The following PTGS2 variants were observed in gnomAD, a reference collection of about 807,000 sequenced individuals.
PTGS2 encodes the protein prostaglandin G/H synthase 2.
PTGS2 carries 14 observed loss-of-function variants against 63.8 expected under a neutral mutation model. That is an observed-to-expected ratio of 0.22 (90% CI 0.14 to 0.34). PTGS2 has a LOEUF of 0.34. Ranked by LOEUF, PTGS2 falls within the 10% of genes least tolerant of loss-of-function variation. PTGS2 has a pLI of 1.00. For synonymous variants in PTGS2, 271 were observed against 259.5 expected (o/e 1.04, Z -0.43); for missense variants, 533 against 738.5 (o/e 0.72, Z 3.23).
chr1:186,675,520 G>A (rs1665764225), intron 8 of PTGS2, 124 bp from the exon 9 acceptor site: 2 of 1,105,442 alleles, frequency 1.8e-6, no homozygotes, highest in Admixed American at 3.0e-5. Flanking sequence ...TTTATTTGCT[G>A]GAAAGATGCT....
intron 2 of PTGS2, 41 bp from the exon 3 acceptor site, chr1:186,679,242 C>G: frequency 6.2e-7 from 1 of 1,612,310 alleles, no homozygotes; most frequent in African/African-American, 1.3e-5. Context: ...ATTAATGGGA[C>G]TCATTATAAG....
rs20429 is a variant in PTGS2 at position 186,678,328 on chromosome 1, G to A, written c.390C>T (p.Asn130=). Reference sequence around the variant, plus strand: ...GAAGGGCTCTAGTATAATAGGAGAGGTTAGAGAAGGCTTCCCAGCTTTTGT... The same window carrying A: ...GAAGGGCTCTAGTATAATAGGAGAGATTAGAGAAGGCTTCCCAGCTTTTGT... ...YGYKSWEAFS[N]LSYYTRALPP... The change falls in exon 4 of 10, where the codon AAC becomes AAT. Residue 130 remains asparagine, a synonymous_variant. Coordinates refer to ENST00000367468, the MANE Select transcript of PTGS2 (RefSeq NM_000963.4). 2.4e-5 allele frequency: 39 copies of A among 1,613,506 alleles called. 1 individual carries two copies. The Middle Eastern group carries it at 6.6e-4, about 27-fold the overall frequency.
rs1665740975 is a variant in PTGS2 at position 186,674,298 on chromosome 1, TAATTA to T, written c.*50_*54del. 4 of 1,103,784 alleles carry T rather than the reference TAATTA, an allele frequency of 3.6e-6. No individual in the cohort carries two copies. The highest frequency in any genetic ancestry group is 4.8e-6 in the Non-Finnish European group (4 of 840,480). 68.4% of individuals were successfully genotyped at this position (1,103,784 alleles called of 1,614,324 possible). A position where few individuals can be genotyped will look rare whatever the true frequency, so the allele number is the denominator to read the frequency against. On this transcript the variant is annotated 3_prime_UTR_variant, in exon 10 of 10. Transcript: ENST00000367468. ...GGAGTTTAATATAAATATTATTAAATAATTAAATTAATAGACATGGTTCATATAAA... is the reference window on the plus strand; with the variant it reads ...GGAGTTTAATATAAATATTATTAAATAATTAATAGACATGGTTCATATAAA...
At chr1:186,675,765 A>T in intron 8 of PTGS2, 133 bp downstream of exon 8, 2 of 998,634 alleles carry the variant, frequency 2.0e-6, no homozygotes, top group Non-Finnish European at 1.4e-6. Flanking sequence ...TAGGCTTCTT[A>T]TATCAATAAA....
intron 4 of PTGS2, 63 bp downstream of exon 4, chr1:186,678,198 T>G: frequency 6.8e-7 from 1 of 1,466,128 alleles, no homozygotes; most frequent in Non-Finnish European, 9.1e-7. Flanking sequence ...TCAATTTTTT[T>G]TTTTGGCAGC....
In PTGS2 at chr1:186,673,117, C is replaced by G. The variant is rs1327071269; in HGVS notation, c.*1236G>C. On this transcript the variant is annotated 3_prime_UTR_variant, in exon 10 of 10. Coordinates refer to ENST00000367468, the MANE Select transcript of PTGS2 (RefSeq NM_000963.4). ...AGAAGAAAAGAAAAGGAACAGCATGCAGGTAGCCAGGCTTGATTCCAATGC... is the reference window on the plus strand; with the variant it reads ...AGAAGAAAAGAAAAGGAACAGCATGGAGGTAGCCAGGCTTGATTCCAATGC... The G allele has an allele frequency of 6.6e-6, 1 of 152,106 alleles. No homozygotes were observed. Among genetic ancestry groups the G allele is most frequent in the African/African-American group, 2.4e-5 (1 of 41,424 alleles). The allele number at this position is 152,106 out of a possible 1,614,324, so 9.4% of individuals were successfully genotyped here.
chr1:186,672,779 T>A lies in PTGS2; in HGVS notation c.*1574A>T. ...TCCAGTCACAAACCCCGTACAGTTC[T>A]CTCTGAGGCACTAGCCTCTTTGCAT... On this transcript the variant is annotated 3_prime_UTR_variant, in exon 10 of 10. Coordinates refer to ENST00000367468, the MANE Select transcript of PTGS2 (RefSeq NM_000963.4). The A allele has an allele frequency of 6.5e-6, 1 of 152,692 alleles. No homozygotes were observed. The allele number at this position is 152,692 out of a possible 1,614,324, so 9.5% of individuals were successfully genotyped here. A position where few individuals can be genotyped will look rare whatever the true frequency, so the allele number is the denominator to read the frequency against.
chr1:186,675,367 T>G lies in PTGS2; in HGVS notation c.1287A>C (p.Ala429=). 1 of 1,613,596 alleles carries G rather than the reference T, an allele frequency of 6.2e-7. No individual in the cohort carries two copies. The highest frequency in any genetic ancestry group is 8.5e-7 in the Non-Finnish European group (1 of 1,179,918). ...RVAGGRNVPP[A]VQKVSQASID... ...TGGAAGCCTGTGATACTTTCTGTAC[T>G]GCGGGTGGAACATTCCTACCACCAG... is the stretch of plus-strand genomic sequence containing the variant. Residue 429 remains alanine, a synonymous_variant, in exon 9 of 10, where the codon GCA becomes GCC. Transcript: ENST00000367468.
At position 186,673,562 on chromosome 1, in the gene PTGS2, C is replaced by T. The variant is rs1665727551; in HGVS notation, c.*791G>A. 6.6e-6 allele frequency: 1 copy of T among 152,142 alleles called. No individual in the cohort carries two copies. The highest frequency in any genetic ancestry group is 1.5e-5 in the Non-Finnish European group (1 of 68,008). The allele number at this position is 152,142 out of a possible 1,614,324, so 9.4% of individuals were successfully genotyped here. Reference sequence around the variant, plus strand: ...TAAGATAACACTGCAGTGGCTCCACCACCTTAATAAATTTGGCATTTTGAT... The same window carrying T: ...TAAGATAACACTGCAGTGGCTCCACTACCTTAATAAATTTGGCATTTTGAT... On this transcript the variant is annotated 3_prime_UTR_variant, in exon 10 of 10. Coordinates refer to ENST00000367468, the MANE Select transcript of PTGS2 (RefSeq NM_000963.4).
At chr1:186,679,472 T>G in intron 1 of PTGS2, 34 bp from the exon 2 acceptor site, 2 of 1,438,994 alleles carry the variant, frequency 1.4e-6, no homozygotes, top group Non-Finnish European at 9.8e-7. Flanking sequence ...AATCATTCTC[T>G]AGTGTCTTAA....
Position 186,678,403 on chromosome 1 carries a change from G to T in PTGS2, c.315C>A (p.Ser105=). 1 of 1,581,852 alleles carries T rather than the reference G, an allele frequency of 6.3e-7. No individual in the cohort carries two copies. Among genetic ancestry groups the T allele is most frequent in the Non-Finnish European group, 8.6e-7 (1 of 1,167,146 alleles). ...GTGGACTGTCAATCAAATGTGATCT[G>T]GCTGAAATTTTCAAAGAAAAAAATG... The part of the protein sequence containing the change: ...RNAIMSYVLT[S]RSHLIDSPPT... The change falls in exon 4 of 10, where the codon TCC becomes TCA. Residue 105 remains serine, a splice_region_variant and synonymous_variant. Transcript: ENST00000367468.
rs1266291707 is a variant in PTGS2 at position 186,672,618 on chromosome 1, A to G, written c.*1735T>C. On this transcript the variant is annotated 3_prime_UTR_variant, in exon 10 of 10. Transcript: ENST00000367468. ...AATAAATTAAGTAATATACAGTACC[A>G]TTAAATGTCAGTGACAATGAGATGT... The G allele has an allele frequency of 6.6e-6, 1 of 152,580 alleles. No homozygotes were observed. The highest frequency in any genetic ancestry group is 1.5e-5 in the Non-Finnish European group (1 of 67,994). 9.5% of individuals were successfully genotyped at this position (152,580 alleles called of 1,614,324 possible).
chr1:186,676,566 A>G lies in PTGS2; in HGVS notation c.871T>C (p.Trp291Arg), dbSNP rs769616622. 6.2e-7 allele frequency: 1 copy of G among 1,614,166 alleles called. No individual in the cohort carries two copies. ...CATACTCTGTTGTGTTCCCGCAGCC[A>G]GATTGTGGCATACATCATCAGACCA... ...VPGLMMYATIWLREHNRVCDV... is the reference protein window; with the variant it reads ...VPGLMMYATIRLREHNRVCDV... Residue 291 changes from tryptophan to arginine, a missense_variant, in exon 7 of 10, where the codon TGG (tryptophan) becomes CGG (arginine). By Grantham distance (101) the Trp-to-Arg change is moderately radical. This residue lies in a region of PTGS2 where 67 missense variants were observed against 152.6 expected (regional missense o/e 0.44). Coordinates refer to ENST00000367468, the MANE Select transcript of PTGS2 (RefSeq NM_000963.4).
chr1:186,677,936 G>A, intron 4 of PTGS2, 106 bp from the exon 5 acceptor site: 1 of 1,081,538 alleles, frequency 9.2e-7, no homozygotes, highest in Non-Finnish European at 1.3e-6. Flanking sequence ...AATTACAATT[G>A]TGAATAGGAT....
chr1:186,679,204 G>T lies in PTGS2; in HGVS notation c.170-3C>A. On this transcript the variant is annotated splice_polypyrimidine_tract_variant and splice_region_variant and intron_variant, in intron 2 of 9. Coordinates refer to ENST00000367468, the MANE Select transcript of PTGS2 (RefSeq NM_000963.4). ...TTTTATTCTTGTCAAAAATTCCGCT[G>T]CAAGAAGACGAAGAAAGGGAGGGAG... 1.9e-6 allele frequency: 3 copies of T among 1,613,240 alleles called. No homozygotes were observed. Among genetic ancestry groups the T allele is most frequent in the Non-Finnish European group, 2.5e-6 (3 of 1,179,668 alleles).
chr1:186,674,884 TAAGAA>T, intron 9 of PTGS2, 122 bp from the exon 10 acceptor site: 1 of 1,250,232 alleles, frequency 8.0e-7, no homozygotes. Context: ...CTGATTCTTT[TAAGAA>T]GTTTAGGGGC....
chr1:186,677,924 A>C, intron 4 of PTGS2, 94 bp from the exon 5 acceptor site: 1 of 1,233,980 alleles, frequency 8.1e-7, no homozygotes, highest in Non-Finnish European at 1.1e-6. Context: ...CATTTATATG[A>C]GAATTACAAT....
intron 5 of PTGS2, 81 bp from the exon 6 acceptor site, chr1:186,676,997 A>C: frequency 1.0e-6 from 1 of 1,000,838 alleles, no homozygotes; most frequent in South Asian, 1.6e-5. Flanking sequence ...ATTCATCATT[A>C]AATAATTTGA....
rs1665723146 is a variant in PTGS2 at position 186,673,354 on chromosome 1, C to G, written c.*999G>C. ...CTCATAGCAAAATCTGAGTACCAGG[C>G]CTGCAGTGCACAAGGATAAAAAAAA... On this transcript the variant is annotated 3_prime_UTR_variant, in exon 10 of 10. Coordinates refer to ENST00000367468, the MANE Select transcript of PTGS2 (RefSeq NM_000963.4). 6.6e-6 allele frequency: 1 copy of G among 152,082 alleles called. No individual in the cohort carries two copies. The highest frequency in any genetic ancestry group is 6.5e-5 in the Admixed American group (1 of 15,268). 9.4% of individuals were successfully genotyped at this position (152,082 alleles called of 1,614,324 possible).
Sources: allele counts gnomAD v4.1 joint callset, GRCh38; gene constraint gnomAD v4.1.1; regional missense constraint gnomAD v4.1.1; transcripts MANE v1.5; gene names NCBI Gene and HGNC (gene_info 2026-07-23, HGNC 2026-07-21).